DIAPH2: variants seen among roughly 807,000 people sequenced by gnomAD.
The protein encoded by DIAPH2 is diaphanous related formin 2.
In DIAPH2, 35 loss-of-function variants were observed where a neutral mutation model predicts 92.7. That is an observed-to-expected ratio of 0.38 (90% CI 0.29 to 0.50). The LOEUF (loss-of-function observed/expected upper bound fraction) is 0.50, where lower values mean the gene tolerates loss of function less well. DIAPH2 is among the 20% of genes least tolerant of loss of function. DIAPH2 has a pLI of 0.94. For missense variants in DIAPH2, 701 were observed against 819.5 expected (o/e 0.86, Z 1.77); for synonymous variants, 301 against 280.4 (o/e 1.07, Z -0.73).
intron 17 of DIAPH2, among the ~76,000 whole-genome samples, chrX:96,987,384 C>G (rs776539494): frequency 1.3e-3 from 150 of 111,594 alleles, no homozygotes; most frequent in Admixed American, 3.4e-3. Flanking sequence ...ATATGCCATA[C>G]ACTACTAGTT....
chrX:97,184,336 A>G (rs1364333141), intron 22 of DIAPH2, among the ~76,000 whole-genome samples: 1 of 111,907 alleles, frequency 8.9e-6, no homozygotes, highest in Non-Finnish European at 1.9e-5. Context: ...GTTAACTTTT[A>G]TTCTATTACT....
intron 26 of DIAPH2, among the ~76,000 whole-genome samples, chrX:97,469,535 T>C (rs1029395284): frequency 3.7e-4 from 42 of 112,130 alleles, no homozygotes; most frequent in African/African-American, 1.3e-3. Context: ...TGTGGCCTAA[T>C]TTGTTGAACT....
intron 1 of DIAPH2, among the ~76,000 whole-genome samples, chrX:96,718,341 T>G (rs902405000): frequency 5.3e-3 from 241 of 45,599 alleles, no homozygotes; most frequent in Non-Finnish European, 8.6e-3. Flanking sequence ...TCTTTGTTTT[T>G]TTTTTTTTTT....
chrX:96,971,877 A>G (rs1310309337), intron 17 of DIAPH2, among the ~76,000 whole-genome samples: 1 of 111,792 alleles, frequency 8.9e-6, no homozygotes, highest in Non-Finnish European at 1.9e-5. Flanking sequence ...TTTTAATGAT[A>G]CTAAACTGCC....
intron 23 of DIAPH2, among the ~76,000 whole-genome samples, chrX:97,296,881 G>A (rs750479037): frequency 2.8e-5 from 3 of 108,409 alleles, no homozygotes; most frequent in East Asian, 2.9e-4. Flanking sequence ...GGGTTCAAGC[G>A]ATTCTCCTGC....
chrX:96,836,045 G>A (rs1212570875), intron 4 of DIAPH2, among the ~76,000 whole-genome samples: 1 of 110,763 alleles, frequency 9.0e-6, no homozygotes, highest in East Asian at 2.8e-4. Context: ...AAACTCCTGG[G>A]CTCAAGTGAT....
chrX:96,850,540 G>A (rs2065000421), intron 4 of DIAPH2, among the ~76,000 whole-genome samples: 1 of 112,113 alleles, frequency 8.9e-6, no homozygotes, highest in Non-Finnish European at 1.9e-5. Context: ...TAACCATTAT[G>A]TGATACTGCT....
chrX:97,394,603 A>C (rs2069688063), intron 25 of DIAPH2, among the ~76,000 whole-genome samples: 1 of 111,839 alleles, frequency 8.9e-6, no homozygotes, highest in Non-Finnish European at 1.9e-5. Flanking sequence ...CTCACACATT[A>C]AGATGTTTAG....
intron 10 of DIAPH2, among the ~76,000 whole-genome samples, chrX:96,933,222 T>TG (rs900524814): frequency 4.5e-5 from 5 of 111,178 alleles, no homozygotes; most frequent in Non-Finnish European, 7.6e-5. Context: ...CATATTTGGT[T>TG]GGGAAAAAAA....
chrX:97,457,170 G>A (rs763522339), intron 26 of DIAPH2, among the ~76,000 whole-genome samples: 30 of 111,310 alleles, frequency 2.7e-4, no homozygotes, highest in African/African-American at 9.8e-4. Flanking sequence ...ACAGGCACCC[G>A]CCACCATGCC....
chrX:97,399,732 C>T (rs776401296), intron 25 of DIAPH2, among the ~76,000 whole-genome samples: 1 of 112,414 alleles, frequency 8.9e-6, no homozygotes, highest in South Asian at 3.7e-4. Context: ...TTTTTCTCTA[C>T]TTTGTGTTTT....
intron 21 of DIAPH2, among the ~76,000 whole-genome samples, chrX:97,129,159 T>C (rs1225023229): frequency 5.1e-4 from 52 of 102,459 alleles, no homozygotes; most frequent in African/African-American, 1.6e-3. Context: ...TCTTTTCTTT[T>C]CTTTTCTTTC....
intron 23 of DIAPH2, among the ~76,000 whole-genome samples, chrX:97,293,250 T>C (rs2068610899): frequency 1.1e-5 from 1 of 88,147 alleles, no homozygotes; most frequent in African/African-American, 4.3e-5. Flanking sequence ...TTTCTTTTTT[T>C]TTTTTTTTTT....
intron 3 of DIAPH2, among the ~76,000 whole-genome samples, chrX:96,756,705 A>T (rs2064231505): frequency 9.0e-6 from 1 of 111,054 alleles, no homozygotes; most frequent in Admixed American, 9.6e-5. Context: ...CTGTTTTCCA[A>T]AGTGGTTGTA....
chrX:97,354,355 T>G (rs1049557931), intron 24 of DIAPH2, among the ~76,000 whole-genome samples: 2 of 111,668 alleles, frequency 1.8e-5, no homozygotes, highest in African/African-American at 6.5e-5. Flanking sequence ...TTTCATAACT[T>G]CCCTGTGGCC....
chrX:96,869,557 C>CACTACTACT (rs58876338), intron 4 of DIAPH2, among the ~76,000 whole-genome samples: 2,973 of 97,871 alleles, frequency 0.03, 53 homozygotes, highest in East Asian at 0.044. Flanking sequence ...CTACTACTAC[C>CACTACTACT]ACTACTACTA....
At chrX:96,751,275 G>C (rs2064185152) in intron 3 of DIAPH2, among the ~76,000 whole-genome samples, 1 of 111,197 alleles carries the variant, frequency 9.0e-6, no homozygotes, top group Non-Finnish European at 1.9e-5. Flanking sequence ...ATTTACAAAT[G>C]TGGCTTTAAA....
chrX:96,754,923 C>CAAAAA (rs1007573600), intron 3 of DIAPH2, among the ~76,000 whole-genome samples: 198 of 15,987 alleles, frequency 0.012, 5 homozygotes, highest in Non-Finnish European at 0.016. Context: ...GTCTCCACCT[C>CAAAAA]AAAAAAAAAA....
In DIAPH2 at chrX:96,684,971, C is replaced by A; in HGVS notation, c.-88C>A. ...CCCTCAGGAAGAGGTGCCGCCGAGTCAGCGCGGGGCAGTGTGAGCGCCCCG... is the reference window on the plus strand; with the variant it reads ...CCCTCAGGAAGAGGTGCCGCCGAGTAAGCGCGGGGCAGTGTGAGCGCCCCG... On this transcript the variant is annotated 5_prime_UTR_variant, in exon 1 of 27. Coordinates refer to ENST00000324765, the MANE Select transcript of DIAPH2 (RefSeq NM_006729.5). 1.1e-6 allele frequency: 1 copy of A among 920,811 alleles called. No individual in the cohort carries two copies. Among genetic ancestry groups the A allele is most frequent in the South Asian group, 6.1e-5 (1 of 16,419 alleles). The allele number at this position is 920,811 out of a possible 1,213,427, so 75.9% of individuals were successfully genotyped here. A position where few individuals can be genotyped will look rare whatever the true frequency, so the allele number is the denominator to read the frequency against.
Sources: allele counts gnomAD v4.1 joint callset (sites outside exome capture counted in the v4.1 genomes callset), GRCh38; gene constraint gnomAD v4.1.1; transcripts MANE v1.5; gene names NCBI Gene and HGNC (gene_info 2026-07-23, HGNC 2026-07-21).